The following PIGU variants were observed in gnomAD, a reference collection of about 807,000 sequenced individuals.
PIGU encodes phosphatidylinositol glycan anchor biosynthesis class U.
A neutral mutation model predicts 49.9 loss-of-function variants in PIGU; 24 were observed. The ratio of observed to expected loss-of-function variants is 0.48; its 90% CI spans 0.35 to 0.68. The LOEUF is 0.68. Ranked by LOEUF, PIGU falls within the 30% of genes least tolerant of loss-of-function variation. The pLI, the probability that PIGU is intolerant of heterozygous loss-of-function variation, is 0.01. For synonymous variants in PIGU, 220 were observed against 205.7 expected (o/e 1.07, Z -0.59); for missense variants, 490 against 532.6 (o/e 0.92, Z 0.79).
chr20:34,591,260 A>T (rs1983969224), intron 7 of PIGU, among the ~76,000 whole-genome samples: 1 of 152,180 alleles, frequency 6.6e-6, no homozygotes, highest in South Asian at 2.1e-4. Context: ...GTAACTAATA[A>T]CAGTCTCAAA....
intron 2 of PIGU, among the ~76,000 whole-genome samples, chr20:34,647,554 C>T (rs987365909): frequency 6.6e-6 from 1 of 151,944 alleles, no homozygotes; most frequent in African/African-American, 2.4e-5. Context: ...GCCACCATGC[C>T]CGGCCTAATT....
At chr20:34,645,204 G>T in intron 3 of PIGU, 71 bp downstream of exon 3, 26 of 987,196 alleles carry the variant, frequency 2.6e-5, no homozygotes, top group Admixed American at 8.5e-5. Flanking sequence ...AAAAAAAAAA[G>T]AGAGAGAGAG....
At chr20:34,622,305 T>C (rs1317845337) in intron 6 of PIGU, among the ~76,000 whole-genome samples, 2 of 151,380 alleles carry the variant, frequency 1.3e-5, no homozygotes, top group South Asian at 4.2e-4. Context: ...GATCACAAGG[T>C]CAGGAGTTCG....
At chr20:34,577,102 TTCTTTA>T (rs766464042) in intron 10 of PIGU, among the ~76,000 whole-genome samples, 94 of 152,332 alleles carry the variant, frequency 6.2e-4, no homozygotes, top group East Asian at 9.7e-4. Flanking sequence ...TCTGTTACTT[TTCTTTA>T]TCTTTATCAT....
intron 1 of PIGU, among the ~76,000 whole-genome samples, chr20:34,662,503 C>A (rs1986958538): frequency 6.7e-6 from 1 of 149,156 alleles, no homozygotes; most frequent in South Asian, 2.1e-4. Flanking sequence ...TCAAGCAATT[C>A]TCCTGCCTCA....
intron 8 of PIGU, 83 bp from the exon 9 acceptor site, chr20:34,585,663 T>G: frequency 6.7e-7 from 1 of 1,496,186 alleles, no homozygotes; most frequent in Non-Finnish European, 9.1e-7. Context: ...CTGAAGACTT[T>G]GGTCACTGCT....
chr20:34,647,612 G>A (rs1002906771), intron 2 of PIGU, among the ~76,000 whole-genome samples: 10 of 151,358 alleles, frequency 6.6e-5, no homozygotes, highest in Admixed American at 5.3e-4. Flanking sequence ...TCACTATGTT[G>A]GCCAGGCTGG....
At chr20:34,622,393 T>C (rs1985273549) in intron 6 of PIGU, among the ~76,000 whole-genome samples, 1 of 151,844 alleles carries the variant, frequency 6.6e-6, no homozygotes, top group East Asian at 1.9e-4. Context: ...GGCGGGCGCA[T>C]GTAGTCCCAG....
rs147042932 is a variant in PIGU at position 34,674,826 on chromosome 20, G to T, written c.130+2130C>A. Among the ~76,000 whole-genome samples, 334 of 151,808 alleles carry T rather than the reference G, an allele frequency of 2.2e-3. 1 individual carries two copies. Among genetic ancestry groups the T allele is most frequent in the African/African-American group, 7.6e-3 (314 of 41,402 alleles). On this transcript the variant is annotated intron_variant, in intron 1 of 11. Coordinates refer to ENST00000217446, the MANE Select transcript of PIGU (RefSeq NM_080476.5). ...TTGGTGGTACATGCCTGTAGTCCCA[G>T]CTACCAACTACTTGGGAGGCTGAGG...
At chr20:34,628,874 A>G (rs1985594143) in intron 6 of PIGU, among the ~76,000 whole-genome samples, 1 of 152,048 alleles carries the variant, frequency 6.6e-6, no homozygotes, top group Admixed American at 6.5e-5. Flanking sequence ...TCAGACATTT[A>G]TTGATATATG....
chr20:34,582,196 G>A (rs1983505250), intron 9 of PIGU, among the ~76,000 whole-genome samples: 1 of 152,182 alleles, frequency 6.6e-6, no homozygotes, highest in South Asian at 2.1e-4. Flanking sequence ...ACTGTGAACT[G>A]CACAGAGCTT....
At chr20:34,601,873 C>G (rs1277870754) in intron 7 of PIGU, among the ~76,000 whole-genome samples, 2 of 152,198 alleles carry the variant, frequency 1.3e-5, no homozygotes, top group African/African-American at 2.4e-5. Context: ...AGATTTGTCT[C>G]TATATTTTAT....
chr20:34,583,584 T>C (rs1015195711), intron 9 of PIGU, among the ~76,000 whole-genome samples: 1 of 152,350 alleles, frequency 6.6e-6, no homozygotes, highest in Admixed American at 6.5e-5. Flanking sequence ...ATGTGTGGCT[T>C]TGCATGCAGA....
At chr20:34,590,676 A>G (rs748795994) in intron 7 of PIGU, among the ~76,000 whole-genome samples, 18 of 151,972 alleles carry the variant, frequency 1.2e-4, no homozygotes, top group African/African-American at 3.9e-4. Context: ...TGTTGTTAGG[A>G]AAAAAATCAG....
chr20:34,581,656 A>G lies in PIGU; in HGVS notation c.943T>C (p.Phe315Leu), dbSNP rs1377536917. Residue 315 changes from phenylalanine to leucine, a missense_variant, in exon 10 of 12, where the codon TTC becomes CTC. Physicochemically the swap from Phe to Leu is conservative, Grantham distance 22 (BLOSUM62 0). Transcript: ENST00000217446. ...ATGACAGCGATCTGGATAAACATGA[A>G]GAAGATGGGGTGCTCCCTGGGGCAG... ...AIKLKEHPIF[F>L]MFIQIAVIAI... The G allele has an allele frequency of 1.2e-6, 2 of 1,613,392 alleles. No individual in the cohort carries two copies. The highest frequency in any genetic ancestry group is 1.7e-6 in the Non-Finnish European group (2 of 1,179,896).
chr20:34,580,203 T>C (rs1311209846), intron 10 of PIGU, among the ~76,000 whole-genome samples: 1 of 152,222 alleles, frequency 6.6e-6, no homozygotes, highest in East Asian at 1.9e-4. Flanking sequence ...AACTGAGGCA[T>C]GTCCATGTTT....
chr20:34,597,797 T>G (rs1477767645), intron 7 of PIGU, among the ~76,000 whole-genome samples: 1 of 152,242 alleles, frequency 6.6e-6, no homozygotes, highest in Non-Finnish European at 1.5e-5. Flanking sequence ...TATTTGTTTT[T>G]TCTTTGAAAT....
chr20:34,637,112 C>T (rs1167513267), intron 5 of PIGU, among the ~76,000 whole-genome samples: 1 of 152,160 alleles, frequency 6.6e-6, no homozygotes, highest in Non-Finnish European at 1.5e-5. Flanking sequence ...GCTGCATAGA[C>T]ATCTAATAGG....
chr20:34,669,102 GTCA>G (rs1251161742), intron 1 of PIGU, among the ~76,000 whole-genome samples: 13 of 151,788 alleles, frequency 8.6e-5, no homozygotes, highest in Non-Finnish European at 1.6e-4. Flanking sequence ...GCCCAGACTG[GTCA>G]TAAATTCCAG....
Sources: allele counts gnomAD v4.1 joint callset (sites outside exome capture counted in the v4.1 genomes callset), GRCh38; gene constraint gnomAD v4.1.1; transcripts MANE v1.5; gene names NCBI Gene and HGNC (gene_info 2026-07-23, HGNC 2026-07-21).